Variants in COL11A2 observed in about 807,000 individuals in gnomAD.
COL11A2 encodes collagen alpha-2(XI) chain.
COL11A2 carries 116 observed loss-of-function variants against 273.4 expected under a neutral mutation model. The ratio of observed to expected loss-of-function variants is 0.42; its 90% confidence interval spans 0.36 to 0.49. COL11A2 has a LOEUF of 0.49. Among genes scored for constraint, COL11A2 ranks in the 20% least tolerant of loss-of-function variants. The probability of loss-of-function intolerance (pLI) is 0.00; values close to 1 mark genes in which losing one functional copy is unlikely to be tolerated. For missense variants in COL11A2, 1,866 were observed against 2,309.0 expected, an observed-to-expected ratio of 0.81 and a Z score of 3.93; for synonymous variants, 782 against 864.2, an observed-to-expected ratio of 0.90 and a Z score of 1.67.
chr6:33,183,823 G>T (rs996406711), intron 8 of COL11A2, among the ~76,000 whole-genome samples: 1 of 151,578 alleles, frequency 6.6e-6, no homozygotes, highest in East Asian at 1.9e-4. Flanking sequence ...GTAGTTTATT[G>T]ACCAAAAGCT....
At chr6:33,188,708 A>C (rs1772721054) in intron 3 of COL11A2, among the ~76,000 whole-genome samples, 184 bp from the exon 4 acceptor site, 1 of 152,232 alleles carries the variant, frequency 6.6e-6, no homozygotes, top group South Asian at 2.1e-4. Flanking sequence ...ATTTGTGCCA[A>C]TTCTATTTAA....
In COL11A2 at chr6:33,165,562, T is replaced by G. The variant is rs748059729; in HGVS notation, c.4737A>C (p.Pro1579=). The change falls in exon 63 of 66, where the codon CCA becomes CCC. Residue 1579 remains proline, a synonymous_variant. Coordinates refer to ENST00000341947, the MANE Select transcript of COL11A2 (RefSeq NM_080680.3). The surrounding 1 kb of genome is among the most constrained non-coding windows in gnomAD (Gnocchi z 7.7). ...GCTAGCACTGACCATCGGGAAGCTC[T>G]GGGTGGCACAGCTTCAGGTCCTGGC... ...RTCQDLKLCH[P]ELPDGEYWVD... 3 of 1,613,134 alleles carry G rather than the reference T, an allele frequency of 1.9e-6. No homozygotes were observed. In the African/African-American group the frequency reaches 4.0e-5, roughly 22 times the overall value.
intron 54 of COL11A2, among the ~76,000 whole-genome samples, chr6:33,168,055 G>T (rs1307164445): frequency 1.3e-5 from 2 of 152,086 alleles, no homozygotes; most frequent in Non-Finnish European, 2.9e-5. Flanking sequence ...TGTACATTTG[G>T]TGAAGGGCCA....
rs1400238075 is a variant in COL11A2, at chr6:33,165,095, C to G, written c.4751-131G>C. On this transcript the variant is annotated intron_variant, in intron 63 of 65. Transcript: ENST00000341947. This position sits in a 1 kb window ranked among gnomAD's most constrained non-coding sequence, Gnocchi z 7.7. ...TTAGTCTCCTGGTCCTCCTCCCTCC[C>G]AGAGCCCTAGAATCTAGCCCTACTG... 1 of 712,908 alleles carries G rather than the reference C, an allele frequency of 1.4e-6. No individual in the cohort carries two copies. Among genetic ancestry groups the G allele is most frequent in the Non-Finnish European group, 2.5e-6 (1 of 405,056 alleles). 44.2% of individuals were successfully genotyped at this position (712,908 alleles called of 1,614,324 possible).
In COL11A2 at chr6:33,164,497, C is replaced by T. The variant is rs746692612; in HGVS notation, c.4864-24G>A. ...AACTGGAAGGAGAGAGAGGGCTGGCCTCAGAGGGGGAGAGAGAGGGCTGGC... is the reference window on the plus strand; with the variant it reads ...AACTGGAAGGAGAGAGAGGGCTGGCTTCAGAGGGGGAGAGAGAGGGCTGGC... On this transcript the variant is annotated intron_variant, in intron 64 of 65. Coordinates refer to ENST00000341947, the MANE Select transcript of COL11A2 (RefSeq NM_080680.3). This position sits in a 1 kb window ranked among gnomAD's most constrained non-coding sequence, Gnocchi z 4.7. 1 of 1,508,450 alleles carries T rather than the reference C, an allele frequency of 6.6e-7. No homozygotes were observed. The highest frequency in any genetic ancestry group is 8.9e-7 in the Non-Finnish European group (1 of 1,121,264). 93.4% of individuals were successfully genotyped at this position (1,508,450 alleles called of 1,614,324 possible). A position where few individuals can be genotyped will look rare whatever the true frequency, so the allele number is the denominator to read the frequency against.
In COL11A2 at chr6:33,173,115, T is replaced by C. The variant is rs763933485; in HGVS notation, c.2737-2A>G. 6.2e-7 allele frequency: 1 copy of C among 1,611,418 alleles called. No homozygotes were observed. Among genetic ancestry groups the C allele is most frequent in the Non-Finnish European group, 8.5e-7 (1 of 1,179,346 alleles). ...GGGGCCGGTCTTCCCTTGGAAACCCTAGGCGAGGAAGAGAGGAGAATGCAG... is the reference window on the plus strand; with the variant it reads ...GGGGCCGGTCTTCCCTTGGAAACCCCAGGCGAGGAAGAGAGGAGAATGCAG... On this transcript the variant is annotated splice_acceptor_variant, in intron 37 of 65. Coordinates refer to ENST00000341947, the MANE Select transcript of COL11A2 (RefSeq NM_080680.3). LOFTEE classifies it high-confidence loss of function. This position sits in a 1 kb window ranked among gnomAD's most constrained non-coding sequence, Gnocchi z 6.3.
chr6:33,173,009 AC>A lies in COL11A2; in HGVS notation c.2790+50del. The A allele has an allele frequency of 6.3e-7, 1 of 1,583,418 alleles. No individual in the cohort carries two copies. The highest frequency in any genetic ancestry group is 1.3e-5 in the African/African-American group (1 of 74,394). ...CGTGTGACCGAGAGAAGAGGGGCAG[AC>A]AGACTAATGCTAGGGTCAGGGGTCC... On this transcript the variant is annotated intron_variant, in intron 38 of 65. Transcript: ENST00000341947. This position sits in a 1 kb window ranked among gnomAD's most constrained non-coding sequence, Gnocchi z 6.3.
At position 33,169,599 on chromosome 6, in the gene COL11A2, T is replaced by C. The variant is rs1306817220; in HGVS notation, c.3691-109A>G. On this transcript the variant is annotated intron_variant, in intron 50 of 65. Coordinates refer to ENST00000341947, the MANE Select transcript of COL11A2 (RefSeq NM_080680.3). This position sits in a 1 kb window ranked among gnomAD's most constrained non-coding sequence, Gnocchi z 5.5. ...CATCCCCTACTCCCCTCAGTGACAA[T>C]GGGACATACACAGAAAGTCAAGCCT... 4.3e-6 allele frequency: 5 copies of C among 1,170,756 alleles called. No homozygotes were observed. The highest frequency in any genetic ancestry group is 1.3e-5 in the South Asian group (1 of 79,134). The allele number at this position is 1,170,756 out of a possible 1,614,324, so 72.5% of individuals were successfully genotyped here. A position where few individuals can be genotyped will look rare whatever the true frequency, so the allele number is the denominator to read the frequency against.
Position 33,172,053 on chromosome 6 carries a change from A to G in COL11A2, c.3039T>C (p.Pro1013=). The G allele has an allele frequency of 1.2e-6, 2 of 1,612,824 alleles. No individual in the cohort carries two copies. Among genetic ancestry groups the G allele is most frequent in the Non-Finnish European group, 1.7e-6 (2 of 1,179,932 alleles). The change falls in exon 41 of 66, where the codon CCT becomes CCC. Residue 1013 remains proline, a synonymous_variant. Coordinates refer to ENST00000341947, the MANE Select transcript of COL11A2 (RefSeq NM_080680.3). ...ACTTCCGGAACCCCAGACTCACTGCAGGGCCAGGGGGGCCAGACGGACCTT... is the reference window on the plus strand; with the variant it reads ...ACTTCCGGAACCCCAGACTCACTGCGGGGCCAGGGGGGCCAGACGGACCTT... ...GNEGPSGPPG[P]AGSPGERGAA...
In COL11A2 at chr6:33,171,769, G is replaced by C. The variant is rs751006009; in HGVS notation, c.3094C>G (p.Pro1032Ala). Residue 1032 changes from proline (P) to alanine (A), a missense_variant, in exon 42 of 66, where the codon CCA becomes GCA. Transcript: ENST00000341947. ...AAGSGGPIGP[P>A]GRPGPQGPPG... ...GGACCCTGCGGGCCTGGGCGCCCTG[G>C]CGGACCAATGGGTCCCCCTGATCCT... 2.5e-6 allele frequency: 4 copies of C among 1,612,884 alleles called. No homozygotes were observed. The highest frequency in any genetic ancestry group is 3.3e-5 in the Admixed American group (2 of 60,018).
rs1770391820 is a variant in COL11A2, at chr6:33,173,269, T to A, written c.2736+79A>T. 5 of 1,583,160 alleles carry A rather than the reference T, an allele frequency of 3.2e-6. No homozygotes were observed. Among genetic ancestry groups the A allele is most frequent in the Admixed American group, 3.5e-5 (2 of 57,702 alleles). On this transcript the variant is annotated intron_variant, in intron 37 of 65. Coordinates refer to ENST00000341947, the MANE Select transcript of COL11A2 (RefSeq NM_080680.3). The surrounding 1 kb of genome is among the most constrained non-coding windows in gnomAD (Gnocchi z 6.3). The stretch of plus-strand genomic sequence containing the variant: ...CTCCACTCTGCCAGGAGAACGTCCC[T>A]GTGGGCTTTCCAGACAGCTCTGGGG...
chr6:33,187,325 C>T (rs1270049186), intron 4 of COL11A2, among the ~76,000 whole-genome samples: 1 of 152,170 alleles, frequency 6.6e-6, no homozygotes, highest in East Asian at 1.9e-4. Flanking sequence ...TACTTTTGCC[C>T]ACACATGGTG....
chr6:33,164,755 C>T lies in COL11A2; in HGVS notation c.4863+97G>A. 9.4e-7 allele frequency: 1 copy of T among 1,068,260 alleles called. No homozygotes were observed. Among genetic ancestry groups the T allele is most frequent in the Non-Finnish European group, 1.4e-6 (1 of 721,254 alleles). The allele number at this position is 1,068,260 out of a possible 1,614,324, so 66.2% of individuals were successfully genotyped here. A position where few individuals can be genotyped will look rare whatever the true frequency, so the allele number is the denominator to read the frequency against. On this transcript the variant is annotated intron_variant, in intron 64 of 65. Coordinates refer to ENST00000341947, the MANE Select transcript of COL11A2 (RefSeq NM_080680.3). The surrounding 1 kb of genome is among the most constrained non-coding windows in gnomAD (Gnocchi z 4.7). Reference sequence around the variant, plus strand: ...AAGGGGTGGCAGGCTCCGGGGGGGGCAACAGCCAGGGGACTGTCACCAAAA... The same window carrying T: ...AAGGGGTGGCAGGCTCCGGGGGGGGTAACAGCCAGGGGACTGTCACCAAAA...
At position 33,166,629 on chromosome 6, in the gene COL11A2, G is replaced by A. The variant is rs757461695; in HGVS notation, c.4339-63C>T. 8 of 1,610,186 alleles carry A rather than the reference G, an allele frequency of 5.0e-6. No individual in the cohort carries two copies. The East Asian group carries it at 8.9e-5, about 18-fold the overall frequency. ...CCCACACCCTCCTGAGCACCTGCTCGCTTACCCACAGCTGAGTCCCAACTC... is the reference window on the plus strand; with the variant it reads ...CCCACACCCTCCTGAGCACCTGCTCACTTACCCACAGCTGAGTCCCAACTC... On this transcript the variant is annotated intron_variant, in intron 59 of 65. Transcript: ENST00000341947. The surrounding 1 kb of genome is among the most constrained non-coding windows in gnomAD (Gnocchi z 4.8).
At chr6:33,180,942 A>G in intron 10 of COL11A2, 22 bp downstream of exon 10, 2 of 1,613,740 alleles carry the variant, frequency 1.2e-6, no homozygotes, top group Non-Finnish European at 1.7e-6. Context: ...AAGAATGGCC[A>G]CCAGGTCACT....
rs893199520 is a variant in COL11A2, at chr6:33,166,090, G to A, written c.4428+81C>T. The A allele has an allele frequency of 9.1e-5, 145 of 1,602,106 alleles. No individual in the cohort carries two copies. The Middle Eastern group carries it at 2.3e-3, about 26-fold the overall frequency. The stretch of plus-strand genomic sequence containing the variant: ...CTGGCTGGAATAAGGGGCTCCTTGG[G>A]GGGAGTCTATTTGTCCTGGAGAGAC... On this transcript the variant is annotated intron_variant, in intron 61 of 65. Coordinates refer to ENST00000341947, the MANE Select transcript of COL11A2 (RefSeq NM_080680.3). This position sits in a 1 kb window ranked among gnomAD's most constrained non-coding sequence, Gnocchi z 4.8.
intron 38 of COL11A2, 35 bp from the exon 39 acceptor site, chr6:33,172,672 C>T (rs1026009568): frequency 1.3e-6 from 2 of 1,573,392 alleles, no homozygotes; most frequent in Non-Finnish European, 1.7e-6. Flanking sequence ...TGCTCTCAGG[C>T]CCTTCATCTC....
In COL11A2 at chr6:33,165,682, C is replaced by T. The variant is rs1196128087; in HGVS notation, c.4617G>A (p.Gly1539=). The stretch of plus-strand genomic sequence containing the variant: ...CGAGTGAGCCAAAGATCTCCTCCAG[C>T]CCCCCAGGACTGCCGGGGGCTCCCC... The part of the protein sequence containing the change: ...PTGGAPGSPG[G]LEEIFGSLDS... The change falls in exon 63 of 66, where the codon GGG becomes GGA. Residue 1539 remains glycine, a synonymous_variant. Coordinates refer to ENST00000341947, the MANE Select transcript of COL11A2 (RefSeq NM_080680.3). This position sits in a 1 kb window ranked among gnomAD's most constrained non-coding sequence, Gnocchi z 7.7. 2 of 1,611,516 alleles carry T rather than the reference C, an allele frequency of 1.2e-6. No homozygotes were observed. The highest frequency in any genetic ancestry group is 1.7e-6 in the Non-Finnish European group (2 of 1,179,978).
In COL11A2 at chr6:33,167,959, G is replaced by C; in HGVS notation, c.3961-107C>G. The C allele has an allele frequency of 6.6e-6, 8 of 1,207,882 alleles. No individual in the cohort carries two copies. In the Middle Eastern group the frequency reaches 9.4e-4, roughly 142 times the overall value. The allele number at this position is 1,207,882 out of a possible 1,614,324, so 74.8% of individuals were successfully genotyped here. A position where few individuals can be genotyped will look rare whatever the true frequency, so the allele number is the denominator to read the frequency against. Reference sequence around the variant, plus strand: ...CACATACACATGCACACACACACGTGCATACACAGGGACACGCGCCGAGGG... The same window carrying C: ...CACATACACATGCACACACACACGTCCATACACAGGGACACGCGCCGAGGG... On this transcript the variant is annotated intron_variant, in intron 54 of 65. Coordinates refer to ENST00000341947, the MANE Select transcript of COL11A2 (RefSeq NM_080680.3). The surrounding 1 kb of genome is among the most constrained non-coding windows in gnomAD (Gnocchi z 6.1).
Sources: allele counts gnomAD v4.1 joint callset (sites outside exome capture counted in the v4.1 genomes callset), GRCh38; gene constraint gnomAD v4.1.1; non-coding constraint Gnocchi (gnomAD v3.1); transcripts MANE v1.5; gene names NCBI Gene and HGNC (gene_info 2026-07-23, HGNC 2026-07-21).